MUSK: variants seen among roughly 807,000 people sequenced by gnomAD.
MUSK encodes the protein muscle, skeletal receptor tyrosine-protein kinase.
A neutral mutation model predicts 88.7 loss-of-function variants in MUSK; 55 were observed. The ratio of observed to expected loss-of-function variants is 0.62; its 90% CI spans 0.50 to 0.78. The LOEUF (loss-of-function observed/expected upper bound fraction) is 0.78. Among genes scored for constraint, MUSK ranks in the 30% least tolerant of loss-of-function variants. The pLI, the probability that MUSK is intolerant of heterozygous loss-of-function variation, is 0.00. For missense variants in MUSK, 1,015 were observed against 1,074.3 expected, an observed-to-expected ratio of 0.94 and a Z score of 0.77; for synonymous variants, 387 against 391.9, an observed-to-expected ratio of 0.99 and a Z score of 0.15.
chr9:110,739,164 C>A (rs67368821), intron 6 of MUSK, among the ~76,000 whole-genome samples: 20,064 of 152,036 alleles, frequency 0.13, 1,662 homozygotes, highest in East Asian at 0.32. Flanking sequence ...GTTAGAGTCC[C>A]CAAGATCACA....
chr9:110,762,888 C>G (rs893095137), intron 8 of MUSK, among the ~76,000 whole-genome samples: 8 of 151,998 alleles, frequency 5.3e-5, no homozygotes, highest in African/African-American at 1.9e-4. Flanking sequence ...AAAATAAGTT[C>G]AAGAGATTTA....
Position 110,803,348 on chromosome 9 carries a change from G to T in MUSK, c.*2360G>T, listed in dbSNP as rs933672110. ...TTTTGAGACGGAGTCTCGCTCTGTCGCCCAGGCTGGAGTGCAGTGGCACGA... is the reference window on the plus strand; with the variant it reads ...TTTTGAGACGGAGTCTCGCTCTGTCTCCCAGGCTGGAGTGCAGTGGCACGA... On this transcript the variant is annotated 3_prime_UTR_variant, in exon 15 of 15. Transcript: ENST00000374448. 6.6e-6 allele frequency among the ~76,000 whole-genome samples: 1 copy of T among 152,044 alleles called. No homozygotes were observed. Among genetic ancestry groups the T allele is most frequent in the Non-Finnish European group, 1.5e-5 (1 of 68,018 alleles).
chr9:110,776,550 T>C (rs1564285612), intron 10 of MUSK, 82 bp from the exon 11 acceptor site: 1 of 1,137,388 alleles, frequency 8.8e-7, no homozygotes, highest in East Asian at 2.4e-5. Flanking sequence ...AGAACTTGCA[T>C]TTCTTAGCAC....
chr9:110,681,706 G>A (rs2076139018), intron 1 of MUSK, among the ~76,000 whole-genome samples: 1 of 151,940 alleles, frequency 6.6e-6, no homozygotes, highest in African/African-American at 2.4e-5. Flanking sequence ...CTCAGCAGAT[G>A]AGCTTGCCTT....
intron 7 of MUSK, among the ~76,000 whole-genome samples, chr9:110,761,754 T>C (rs1382770213): frequency 6.6e-6 from 1 of 151,884 alleles, no homozygotes; most frequent in African/African-American, 2.4e-5. Context: ...TTTTGTATTT[T>C]TAGTAGAGAT....
At chr9:110,790,692 T>C (rs1433515135) in intron 14 of MUSK, among the ~76,000 whole-genome samples, 2 of 151,946 alleles carry the variant, frequency 1.3e-5, no homozygotes, top group Admixed American at 1.3e-4. Context: ...GGGAGAAGAG[T>C]TGAAGATTTG....
chr9:110,771,216 C>T (rs534259009), intron 9 of MUSK, among the ~76,000 whole-genome samples: 2 of 133,188 alleles, frequency 1.5e-5, no homozygotes, highest in East Asian at 2.2e-4. Flanking sequence ...CCTGTCTCAG[C>T]CTCCCAAGTA....
chr9:110,756,982 AG>A (rs1435360021), intron 7 of MUSK, among the ~76,000 whole-genome samples: 1 of 152,110 alleles, frequency 6.6e-6, no homozygotes, highest in African/African-American at 2.4e-5. Context: ...AATAAATACA[AG>A]GGGGTCCATG....
At chr9:110,734,083 T>C (rs928091938) in intron 5 of MUSK, among the ~76,000 whole-genome samples, 168 bp from the exon 6 acceptor site, 10 of 152,022 alleles carry the variant, frequency 6.6e-5, no homozygotes, top group African/African-American at 2.4e-4. Flanking sequence ...GGTTATAACA[T>C]AAAGGGCTTG....
rs1486551488 is a variant in MUSK, at chr9:110,734,233, C to A, written c.629-18C>A. ...TTTCCTGCAGGAGCGTCACTCACCACTTCTGTCTTCCTAACAGTTTTTGCC... is the reference window on the plus strand; with the variant it reads ...TTTCCTGCAGGAGCGTCACTCACCAATTCTGTCTTCCTAACAGTTTTTGCC... On this transcript the variant is annotated intron_variant, in intron 5 of 14. Transcript: ENST00000374448. The A allele has an allele frequency of 6.2e-7, 1 of 1,604,258 alleles. No individual in the cohort carries two copies. Among genetic ancestry groups the A allele is most frequent in the African/African-American group, 1.3e-5 (1 of 74,744 alleles).
chr9:110,787,944 G>C, intron 14 of MUSK, 106 bp downstream of exon 14: 1 of 1,285,066 alleles, frequency 7.8e-7, no homozygotes, highest in Non-Finnish European at 1.1e-6. Context: ...TCAGTGAGAC[G>C]TTTCAGTTCC....
intron 8 of MUSK, among the ~76,000 whole-genome samples, chr9:110,764,816 G>A (rs1588010016): frequency 6.6e-6 from 1 of 152,230 alleles, no homozygotes; most frequent in East Asian, 1.9e-4. Context: ...TAAAGGGTTT[G>A]TATAAGCTAG....
intron 13 of MUSK, among the ~76,000 whole-genome samples, chr9:110,786,323 A>AG (rs1554755617): frequency 6.6e-6 from 1 of 151,368 alleles, no homozygotes; most frequent in Admixed American, 6.6e-5. Context: ...AAAAAAAAAA[A>AG]AAAAGAAAAG....
chr9:110,772,664 A>G (rs980520898), intron 9 of MUSK, among the ~76,000 whole-genome samples: 2 of 152,052 alleles, frequency 1.3e-5, no homozygotes, highest in Non-Finnish European at 2.9e-5. Flanking sequence ...TTAAATGAGT[A>G]TTAGCTATTT....
In MUSK at chr9:110,764,638, GGT is replaced by G. The variant is rs1564276216; in HGVS notation, c.920+2431_920+2432del. ...AGATAGATAGATAGATAGATAGATA[GGT>G]AGGTAGATCATCGGTCTTGTGTGTG... On this transcript the variant is annotated intron_variant, in intron 8 of 14. Transcript: ENST00000374448. 4.5e-3 allele frequency among the ~76,000 whole-genome samples: 678 copies of G among 149,062 alleles called. 4 individuals are homozygous for G. The highest frequency in any genetic ancestry group is 0.015 in the African/African-American group (613 of 40,172).
chr9:110,717,305 A>G lies in MUSK; in HGVS notation c.629-16946A>G, dbSNP rs1260017550. Among the ~76,000 whole-genome samples the G allele has an allele frequency of 2.0e-5, 3 of 149,544 alleles. No individual in the cohort carries two copies. The East Asian group carries it at 5.8e-4, about 29-fold the overall frequency. ...TGGATCACAATGTTATATTTCAGTG[A>G]TTACTTTTACATTTTAATATACATA... On this transcript the variant is annotated intron_variant, in intron 5 of 14. Transcript: ENST00000374448.
At chr9:110,684,451 G>A (rs540456867) in intron 2 of MUSK, among the ~76,000 whole-genome samples, 2 of 151,292 alleles carry the variant, frequency 1.3e-5, no homozygotes, top group South Asian at 2.1e-4. Context: ...TTTTCTTTTG[G>A]CTATTCTGGG....
intron 1 of MUSK, among the ~76,000 whole-genome samples, chr9:110,677,470 C>T (rs1373983174): frequency 6.6e-6 from 1 of 152,186 alleles, no homozygotes; most frequent in Non-Finnish European, 1.5e-5. Context: ...TGGGCTCTGC[C>T]AATAGCCTCC....
Position 110,697,411 on chromosome 9 carries a change from G to A in MUSK, c.573G>A (p.Val191=). 1 of 1,612,504 alleles carries A rather than the reference G, an allele frequency of 6.2e-7. No homozygotes were observed. The highest frequency in any genetic ancestry group is 8.5e-7 in the Non-Finnish European group (1 of 1,179,072). Residue 191 remains valine (V), a synonymous_variant, in exon 5 of 15, where the codon GTG becomes GTA. Coordinates refer to ENST00000374448, the MANE Select transcript of MUSK (RefSeq NM_005592.4). The part of the protein sequence containing the change: ...QKEDAGQYRC[V]AKNSLGTAYS... ...AAGATGCAGGACAGTATCGATGTGT[G>A]GCAAAAAACAGCCTCGGGACAGCAT...
Sources: allele counts gnomAD v4.1 joint callset (sites outside exome capture counted in the v4.1 genomes callset), GRCh38; gene constraint gnomAD v4.1.1; transcripts MANE v1.5; gene names NCBI Gene and HGNC (gene_info 2026-07-23, HGNC 2026-07-21).